SCN9A: variants seen among roughly 807,000 people sequenced by gnomAD.
SCN9A encodes the protein sodium voltage-gated channel alpha subunit 9, also known as sodium channel protein type 9 subunit alpha.
In SCN9A, 131 loss-of-function variants were observed where a neutral mutation model predicts 187.0. That is an observed-to-expected ratio of 0.70 (90% CI 0.61 to 0.81). The LOEUF (loss-of-function observed/expected upper bound fraction) is 0.81, where lower values mean the gene tolerates loss of function less well. SCN9A is among the 30% of genes least tolerant of loss of function. SCN9A has a pLI of 0.00. For synonymous variants in SCN9A, 809 were observed against 808.6 expected (o/e 1.00, Z -0.01); for missense variants, 2,252 against 2,396.6 (o/e 0.94, Z 1.26).
In SCN9A at chr2:166,311,915, T is replaced by G. The variant is rs528807734; in HGVS notation, c.-50-109A>C. 201 of 592,154 alleles carry G rather than the reference T, an allele frequency of 3.4e-4. No individual in the cohort carries two copies. In the East Asian group the frequency reaches 5.7e-3, roughly 17 times the overall value. 36.7% of individuals were successfully genotyped at this position (592,154 alleles called of 1,614,324 possible). ...GATTTTTAGTTTCAACTACAAAAGG[T>G]AACATGTTCTAGAATTATCAGCTTG... On this transcript the variant is annotated intron_variant, in intron 1 of 26. Transcript: ENST00000642356.
rs765373697 is a variant in SCN9A at position 166,281,705 on chromosome 2, G to C, written c.2078C>G (p.Ala693Gly). The change falls in exon 13 of 27, where the codon GCA becomes GGA. Residue 693 changes from alanine (A) to glycine (G), a missense_variant. Ala to Gly is a moderately conservative substitution (Grantham distance 60). Around this residue, in one of 7 missense-constraint regions of SCN9A, gnomAD observed 1,013 missense variants for 997.4 expected, o/e 1.02. Transcript: ENST00000642356. ...PNLRQRAMSR[A>G]SILTNTVEEL... ...TTCCACAGTGTTTGTTAATATGCTT[G>C]CTCTACTCATTGCTCTCTGTCTGAG... is the stretch of plus-strand genomic sequence containing the variant. The C allele has an allele frequency of 6.2e-7, 1 of 1,613,132 alleles. No individual in the cohort carries two copies. The highest frequency in any genetic ancestry group is 2.2e-5 in the East Asian group (1 of 44,790).
At chr2:166,242,841 G>A (rs1250749365) in intron 18 of SCN9A, among the ~76,000 whole-genome samples, 185 bp from the exon 19 acceptor site, 1 of 152,030 alleles carries the variant, frequency 6.6e-6, no homozygotes, top group African/African-American at 2.4e-5. Flanking sequence ...TTTGCATGAT[G>A]TTTTCTAAAT....
rs1697657405 is a variant in SCN9A at position 166,284,739 on chromosome 2, T to C, written c.1688A>G (p.Asp563Gly). Residue 563 changes from aspartate (D) to glycine (G), a missense_variant, in exon 12 of 27, where the codon GAT (aspartate) becomes GGT (glycine). Around this residue, in one of 7 missense-constraint regions of SCN9A, gnomAD observed 1,013 missense variants for 997.4 expected, o/e 1.02. Coordinates refer to ENST00000642356, the MANE Select transcript of SCN9A (RefSeq NM_001365536.1). ...GGCAAATTCAGTCTCAGATCCTATATCTCTTCCTCTGCCTTTGAAACTAAA... is the reference window on the plus strand; with the variant it reads ...GGCAAATTCAGTCTCAGATCCTATACCTCTTCCTCTGCCTTTGAAACTAAA... ...SLFSFKGRGR[D>G]IGSETEFADD... is the part of the protein sequence containing the mutation. 3 of 1,613,902 alleles carry C rather than the reference T, an allele frequency of 1.9e-6. No individual in the cohort carries two copies. The highest frequency in any genetic ancestry group is 4.5e-5 in the East Asian group (2 of 44,872).
intron 1 of SCN9A, among the ~76,000 whole-genome samples, chr2:166,355,026 C>T (rs1700119779): frequency 6.6e-6 from 1 of 151,970 alleles, no homozygotes; most frequent in African/African-American, 2.4e-5. Context: ...ACCTCCAAAC[C>T]TCATGGGCTC....
At chr2:166,344,554 T>C (rs1699858258) in intron 1 of SCN9A, among the ~76,000 whole-genome samples, 1 of 152,176 alleles carries the variant, frequency 6.6e-6, no homozygotes, top group Non-Finnish European at 1.5e-5. Context: ...CAAAAGAAAC[T>C]CAGCTCTATA....
At chr2:166,207,743 C>G (rs983807625) in intron 24 of SCN9A, among the ~76,000 whole-genome samples, 4 of 152,048 alleles carry the variant, frequency 2.6e-5, no homozygotes, top group Non-Finnish European at 4.4e-5. Context: ...ATCCGGCCAC[C>G]TTAGAGTGTT....
intron 1 of SCN9A, among the ~76,000 whole-genome samples, chr2:166,361,698 G>A (rs1217853288): frequency 6.6e-6 from 1 of 152,096 alleles, no homozygotes; most frequent in Non-Finnish European, 1.5e-5. Context: ...GTGCATAAAA[G>A]TTTAATCATT....
At chr2:166,218,068 AACCTGT>A (rs1288174527) in intron 24 of SCN9A, among the ~76,000 whole-genome samples, 1 of 152,024 alleles carries the variant, frequency 6.6e-6, no homozygotes, top group African/African-American at 2.4e-5. Context: ...CCATACATGC[AACCTGT>A]ACCCATCAAC....
At position 166,251,831 on chromosome 2, in the gene SCN9A, C is replaced by T. The variant is rs774128928; in HGVS notation, c.3406G>A (p.Gly1136Arg). The T allele has an allele frequency of 1.2e-6, 2 of 1,612,638 alleles. No individual in the cohort carries two copies. Among genetic ancestry groups the T allele is most frequent in the Admixed American group, 1.7e-5 (1 of 59,816 alleles). Reference sequence around the variant, plus strand: ...TCAGCCTCTGCTTCTTCTCCTTCTCCAGGCAAAGGGTTATCAACTGTGCTG... The same window carrying T: ...TCAGCCTCTGCTTCTTCTCCTTCTCTAGGCAAAGGGTTATCAACTGTGCTG... ...ECSTVDNPLP[G>R]EGEEAEAEPM... Residue 1136 changes from glycine (G) to arginine (R), a missense_variant, in exon 18 of 27, where the codon GGA (glycine) becomes AGA (arginine). Physicochemically the swap from Gly to Arg is moderately radical, Grantham distance 125 (BLOSUM62 -2). Transcript: ENST00000642356.
Position 166,226,717 on chromosome 2 carries a change from C to G in SCN9A, c.4261-13G>C, listed in dbSNP as rs745685331. The G allele has an allele frequency of 3.9e-5, 60 of 1,538,214 alleles. No homozygotes were observed. Among genetic ancestry groups the G allele is most frequent in the Non-Finnish European group, 5.0e-5 (57 of 1,143,676 alleles). ...GCTGCTTGTCTACCTATAAAATTTA[C>G]AAAAGTTAGCATTATATGGACAGTA... On this transcript the variant is annotated splice_polypyrimidine_tract_variant and intron_variant, in intron 23 of 26. Transcript: ENST00000642356.
At chr2:166,375,119 T>C (rs1376140393) in intron 1 of SCN9A, among the ~76,000 whole-genome samples, 1 of 152,206 alleles carries the variant, frequency 6.6e-6, no homozygotes, top group Non-Finnish European at 1.5e-5. Context: ...AATTTCACTA[T>C]AAAGTGCTTA....
intron 24 of SCN9A, among the ~76,000 whole-genome samples, chr2:166,206,061 T>G (rs910644055): frequency 4.6e-5 from 7 of 152,184 alleles, no homozygotes; most frequent in African/African-American, 1.7e-4. Context: ...TTTACACTGT[T>G]GGTGAGAGTG....
intron 16 of SCN9A, among the ~76,000 whole-genome samples, chr2:166,275,346 A>T (rs1033856945): frequency 6.6e-6 from 1 of 151,938 alleles, no homozygotes; most frequent in African/African-American, 2.4e-5. Context: ...GCACTTTGGG[A>T]GGCGACGGAG....
At chr2:166,207,226 T>TTAAC (rs1402591608) in intron 24 of SCN9A, among the ~76,000 whole-genome samples, 1 of 152,198 alleles carries the variant, frequency 6.6e-6, no homozygotes, top group African/African-American at 2.4e-5. Flanking sequence ...AGATCATTAC[T>TTAAC]TAACTTGTAG....
intron 6 of SCN9A, chr2:166,303,912 A>T (rs1175440946): frequency 4.8e-6 from 5 of 1,050,306 alleles, no homozygotes; most frequent in Non-Finnish European, 7.1e-6. Context: ...TTGACTTTTG[A>T]TAATGATTGT....
intron 20 of SCN9A, 77 bp from the exon 21 acceptor site, chr2:166,233,539 A>T (rs553123891): frequency 1.2e-4 from 132 of 1,114,680 alleles, no homozygotes; most frequent in Non-Finnish European, 1.3e-4. Context: ...TCTGAAACTC[A>T]CTAAAAGCAA....
intron 6 of SCN9A, among the ~76,000 whole-genome samples, chr2:166,303,762 T>C (rs1364926889): frequency 2.0e-5 from 3 of 152,066 alleles, no homozygotes; most frequent in Admixed American, 2.0e-4. Context: ...TAAAATCAAT[T>C]AAAATGGATT....
At chr2:166,360,364 G>A (rs7594979) in intron 1 of SCN9A, among the ~76,000 whole-genome samples, 104,257 of 151,904 alleles carry the variant, frequency 0.69, 36,491 homozygotes, top group African/African-American at 0.84. Flanking sequence ...AGTCTTATCT[G>A]TACAGCATGT....
chr2:166,325,743 T>G (rs546352773), intron 1 of SCN9A, among the ~76,000 whole-genome samples: 3 of 152,090 alleles, frequency 2.0e-5, no homozygotes, highest in Admixed American at 6.6e-5. Flanking sequence ...TGAGGTAACA[T>G]AGAGATAAAA....
Sources: allele counts gnomAD v4.1 joint callset (sites outside exome capture counted in the v4.1 genomes callset), GRCh38; gene constraint gnomAD v4.1.1; regional missense constraint gnomAD v4.1.1; transcripts MANE v1.5; gene names NCBI Gene and HGNC (gene_info 2026-07-23, HGNC 2026-07-21).